AXL: variants seen among roughly 807,000 people sequenced by gnomAD.
The protein encoded by AXL is AXL receptor tyrosine kinase.
A neutral mutation model predicts 104.5 loss-of-function variants in AXL; 52 were observed. The observed-to-expected ratio is 0.50, with a 90% CI of 0.40 to 0.63. The LOEUF (loss-of-function observed/expected upper bound fraction) is 0.63. Ranked by LOEUF, AXL falls within the 20% of genes least tolerant of loss-of-function variation. The pLI is 0.00. For synonymous variants in AXL, 455 were observed against 473.7 expected (o/e 0.96, Z 0.51); for missense variants, 1,024 against 1,188.5 (o/e 0.86, Z 2.04).
intron 14 of AXL, among the ~76,000 whole-genome samples, chr19:41,249,218 C>A (rs11883169): frequency 4.8e-4 from 73 of 151,098 alleles, no homozygotes; most frequent in Middle Eastern, 3.5e-3. Context: ...GGCAGCAGAT[C>A]GCTTGAGTCC....
At chr19:41,253,471 T>C in intron 16 of AXL, 128 bp from the exon 17 acceptor site, 1 of 692,560 alleles carries the variant, frequency 1.4e-6, no homozygotes, top group Non-Finnish European at 2.6e-6. Context: ...GGAGAGGGGT[T>C]GGGTTGAATT....
chr19:41,243,631 A>G lies in AXL; in HGVS notation c.1461A>G (p.Pro487=). 1.2e-6 allele frequency: 2 copies of G among 1,613,882 alleles called. No homozygotes were observed. Among genetic ancestry groups the G allele is most frequent in the South Asian group, 1.1e-5 (1 of 91,076 alleles). The change falls in exon 12 of 20, where the codon CCA becomes CCG. Residue 487 remains proline, a synonymous_variant. Transcript: ENST00000301178. ...TCCCCCCCAGAGAAGTGTTTGAACC[A>G]ACAGTGGAAAGAGGTGAACTGGTAG... ...KETRYGEVFE[P]TVERGELVVR...
intron 4 of AXL, among the ~76,000 whole-genome samples, chr19:41,227,580 G>GT (rs1307918172): frequency 1.3e-5 from 2 of 151,588 alleles, no homozygotes; most frequent in African/African-American, 2.4e-5. Flanking sequence ...CCGCAGCCCG[G>GT]GTTCTAGCAG....
Position 41,243,328 on chromosome 19 carries a change from G to A in AXL, c.1446-288G>A, listed in dbSNP as rs187014474. Among the ~76,000 whole-genome samples, 252 of 152,320 alleles carry A rather than the reference G, an allele frequency of 1.7e-3. 2 individuals carry two copies. The highest frequency in any genetic ancestry group is 3.1e-3 in the Non-Finnish European group (214 of 68,024). On this transcript the variant is annotated intron_variant, in intron 11 of 19. Transcript: ENST00000301178. ...CCAGCTACTTGGGAGGCTGAGGCAC[G>A]ATAATCACTTGAACCCGGGAGATGG...
intron 6 of AXL, among the ~76,000 whole-genome samples, chr19:41,232,665 A>G (rs1236519459): frequency 2.0e-5 from 3 of 151,932 alleles, no homozygotes; most frequent in Non-Finnish European, 4.4e-5. Context: ...GAAAACCAAA[A>G]CCAAAACAAA....
At chr19:41,250,175 G>C (rs973566813) in intron 14 of AXL, among the ~76,000 whole-genome samples, 71 of 152,330 alleles carry the variant, frequency 4.7e-4, no homozygotes, top group African/African-American at 1.7e-3. Context: ...AGTAGGACAT[G>C]CTTGTTAATG....
In AXL at chr19:41,259,947, G is replaced by C; in HGVS notation, c.*43G>C. 2 of 1,487,054 alleles carry C rather than the reference G, an allele frequency of 1.3e-6. No homozygotes were observed. The highest frequency in any genetic ancestry group is 1.8e-6 in the Non-Finnish European group (2 of 1,108,560). 92.1% of individuals were successfully genotyped at this position (1,487,054 alleles called of 1,614,324 possible). A position where few individuals can be genotyped will look rare whatever the true frequency, so the allele number is the denominator to read the frequency against. On this transcript the variant is annotated 3_prime_UTR_variant, in exon 20 of 20. Transcript: ENST00000301178. ...TACTCCCTCTCAGGATCCAAGCTAAGCACTGCCACTGGGGAAAACTCCACC... is the reference window on the plus strand; with the variant it reads ...TACTCCCTCTCAGGATCCAAGCTAACCACTGCCACTGGGGAAAACTCCACC...
intron 19 of AXL, among the ~76,000 whole-genome samples, chr19:41,258,195 G>A (rs1284193313): frequency 1.3e-5 from 2 of 152,206 alleles, no homozygotes; most frequent in Non-Finnish European, 2.9e-5. Context: ...TTTGGGTCAG[G>A]AGGAGACAGC....
chr19:41,251,802 A>G (rs55994820), intron 14 of AXL, among the ~76,000 whole-genome samples: 12,042 of 152,076 alleles, frequency 0.079, 639 homozygotes, highest in Non-Finnish European at 0.11. Context: ...AGCACCTGAG[A>G]AGATTAAATG....
rs77400888 is a variant in AXL, at chr19:41,257,726, A to G, written c.2333+97A>G. 4.6e-3 allele frequency: 6,843 copies of G among 1,500,072 alleles called. 282 individuals carry two copies. The African/African-American group carries it at 0.081, about 18-fold the overall frequency. 92.9% of individuals were successfully genotyped at this position (1,500,072 alleles called of 1,614,324 possible). ...AGGTCCAGGACTCTCTATAACCCAG[A>G]CAGAATCCCTGAGAATGCTGAGTGA... On this transcript the variant is annotated intron_variant, in intron 19 of 19. Transcript: ENST00000301178.
intron 4 of AXL, among the ~76,000 whole-genome samples, chr19:41,223,078 T>G (rs1035904925): frequency 6.6e-6 from 1 of 151,876 alleles, no homozygotes; most frequent in Non-Finnish European, 1.5e-5. Flanking sequence ...GTGGATCACT[T>G]GAGGCTGGGA....
chr19:41,253,612 A>C lies in AXL; in HGVS notation c.1940A>C (p.Gln647Pro), dbSNP rs762885154. 4.3e-6 allele frequency: 7 copies of C among 1,613,588 alleles called. No individual in the cohort carries two copies. Among genetic ancestry groups the C allele is most frequent in the East Asian group, 2.2e-5 (1 of 44,852 alleles). The stretch of plus-strand genomic sequence containing the variant: ...TTGGCTCCCCAGTACCTGCCCACTC[A>C]GATGCTAGTGAAGTTCATGGCAGAC... The part of the protein sequence containing the change: ...LGDQPVYLPT[Q>P]MLVKFMADIA... The change falls in exon 17 of 20, where the codon CAG becomes CCG. Residue 647 changes from glutamine to proline, a missense_variant. Gln to Pro is a moderately conservative substitution (Grantham distance 76). Around this residue, in one of 5 missense-constraint regions of AXL, gnomAD observed 523 missense variants for 636.0 expected, o/e 0.82. Transcript: ENST00000301178.
chr19:41,227,504 T>TA (rs2033903382), intron 4 of AXL, among the ~76,000 whole-genome samples: 1 of 147,300 alleles, frequency 6.8e-6, no homozygotes, highest in Middle Eastern at 3.4e-3. Context: ...TTTTTTTTTT[T>TA]AGACAGAGTC....
In AXL at chr19:41,222,016, G is replaced by C. The variant is rs769038891; in HGVS notation, c.546G>C (p.Thr182=). Residue 182 remains threonine, a synonymous_variant, in exon 4 of 20, where the codon ACG becomes ACC. Coordinates refer to ENST00000301178, the MANE Select transcript of AXL (RefSeq NM_021913.5). ...LWLQDAVPLA[T]APGHGPQRSL... is the part of the protein sequence containing the mutation. ...TCCAGGATGCTGTCCCCCTGGCCAC[G>C]GCTCCAGGTCACGGCCCCCAGCGCA... 6 of 1,602,484 alleles carry C rather than the reference G, an allele frequency of 3.7e-6. No homozygotes were observed. In the South Asian group the frequency reaches 6.7e-5, roughly 18 times the overall value.
At chr19:41,259,242 C>T (rs1253649145) in intron 19 of AXL, among the ~76,000 whole-genome samples, 1 of 152,140 alleles carries the variant, frequency 6.6e-6, no homozygotes, top group Admixed American at 6.5e-5. Flanking sequence ...TTGTAAGTGG[C>T]ATAGCCAGGC....
chr19:41,255,903 C>A (rs928641692), intron 17 of AXL, among the ~76,000 whole-genome samples: 2 of 152,152 alleles, frequency 1.3e-5, no homozygotes, highest in East Asian at 3.9e-4. Flanking sequence ...CACCAACACA[C>A]CTGGCTAATT....
intron 12 of AXL, among the ~76,000 whole-genome samples, chr19:41,245,476 C>T (rs997368071): frequency 1.3e-5 from 2 of 152,266 alleles, no homozygotes; most frequent in East Asian, 3.9e-4. Context: ...GTAATCTCAA[C>T]ACTTTGGGAG....
chr19:41,233,242 G>A (rs1424686371), intron 6 of AXL, among the ~76,000 whole-genome samples: 2 of 151,882 alleles, frequency 1.3e-5, no homozygotes, highest in African/African-American at 2.4e-5. Context: ...CGCCCACCTC[G>A]GCCTCCCAAA....
intron 6 of AXL, among the ~76,000 whole-genome samples, chr19:41,233,694 CCAGAGAGGGGCCCCCT>C (rs753121779): frequency 1.6e-4 from 23 of 146,850 alleles, no homozygotes; most frequent in Non-Finnish European, 2.9e-4. Flanking sequence ...GAACTGAGGC[CCAGAGAGGGGCCCCCT>C]CTCTGGGCCT....
Sources: gnomAD v4.1 joint callset for allele counts (sites outside exome capture counted in the v4.1 genomes callset) on GRCh38, gnomAD v4.1.1 for gene constraint, gnomAD v4.1.1 regional missense constraint, MANE v1.5 for transcripts, NCBI Gene and HGNC (gene_info 2026-07-23, HGNC 2026-07-21) for gene names.